Variants in ABTB3 observed in about 807,000 individuals in gnomAD.
ABTB3 encodes the protein ankyrin repeat- and BTB/POZ domain-containing protein 3.
the ABTB3 span, among the ~76,000 whole-genome samples, chr12:107,393,544 T>C: frequency 6.6e-6 from 1 of 152,126 alleles, no homozygotes; most frequent in East Asian, 1.9e-4. Flanking sequence ...GGGGGTGATG[T>C]CACTCTATCT....
At chr12:107,610,270 G>A in the ABTB3 span, 31 of 1,614,130 alleles carry the variant, frequency 1.9e-5, no homozygotes, top group Admixed American at 1.8e-4. Flanking sequence ...CTGGGTTTCC[G>A]GATGCTGAAC....
At chr12:107,350,546 A>G in the ABTB3 span, among the ~76,000 whole-genome samples, 1 of 129,802 alleles carries the variant, frequency 7.7e-6, no homozygotes, top group African/African-American at 2.8e-5. Flanking sequence ...AGTCCGTCTC[A>G]AAAAAAAAAA....
the ABTB3 span, among the ~76,000 whole-genome samples, chr12:107,555,491 C>T: frequency 6.6e-6 from 1 of 152,146 alleles, no homozygotes; most frequent in East Asian, 1.9e-4. Flanking sequence ...ATGTCCAGGT[C>T]TTTTTGGAAT....
the ABTB3 span, among the ~76,000 whole-genome samples, chr12:107,367,369 T>C: frequency 6.6e-6 from 1 of 152,316 alleles, no homozygotes; most frequent in African/African-American, 2.4e-5. Flanking sequence ...GATTTACACT[T>C]TTTCCTCTTT....
chr12:107,574,016 C>T, the ABTB3 span, among the ~76,000 whole-genome samples: 15 of 152,282 alleles, frequency 9.9e-5, no homozygotes, highest in Admixed American at 9.8e-4. Context: ...CAGGATGATA[C>T]TAAATACTGC....
chr12:107,348,912 G>T, the ABTB3 span, among the ~76,000 whole-genome samples: 3 of 152,156 alleles, frequency 2.0e-5, no homozygotes, highest in Admixed American at 2.0e-4. Context: ...AGTGAGGGGG[G>T]GACCCTAGGC....
the ABTB3 span, chr12:107,581,217 G>A: frequency 6.5e-7 from 1 of 1,535,380 alleles, no homozygotes; most frequent in Non-Finnish European, 8.7e-7. Flanking sequence ...GCCGGCCACC[G>A]CCGCAGCTTC....
chr12:107,625,668 C>T, the ABTB3 span, among the ~76,000 whole-genome samples: 7 of 152,040 alleles, frequency 4.6e-5, no homozygotes, highest in African/African-American at 1.7e-4. Flanking sequence ...TCTGACTCTC[C>T]AGTGGCATCC....
the ABTB3 span, among the ~76,000 whole-genome samples, chr12:107,446,106 G>T: frequency 6.6e-6 from 1 of 152,030 alleles, no homozygotes. Flanking sequence ...ATCTTTAGGG[G>T]GCCCTTATTC....
the ABTB3 span, among the ~76,000 whole-genome samples, chr12:107,640,735 A>G: frequency 3.3e-5 from 5 of 152,218 alleles, no homozygotes; most frequent in African/African-American, 4.8e-5. Context: ...CCACTCTCCA[A>G]ATGTCAGGGA....
At chr12:107,616,205 G>T in the ABTB3 span, among the ~76,000 whole-genome samples, 1 of 152,200 alleles carries the variant, frequency 6.6e-6, no homozygotes, top group Non-Finnish European at 1.5e-5. Context: ...AACATGCAAG[G>T]ACATTCCCGA....
At chr12:107,411,284 G>A in the ABTB3 span, among the ~76,000 whole-genome samples, 1 of 152,202 alleles carries the variant, frequency 6.6e-6, no homozygotes, top group Admixed American at 6.5e-5. Context: ...TGGCAACAGA[G>A]CGAGACTCCG....
chr12:107,633,199 G>T, the ABTB3 span, among the ~76,000 whole-genome samples: 2 of 152,102 alleles, frequency 1.3e-5, no homozygotes, highest in East Asian at 3.9e-4. Flanking sequence ...AGGTGAGTAG[G>T]TCTACAAAAG....
chr12:107,612,242 G>A, the ABTB3 span, among the ~76,000 whole-genome samples: 3 of 152,196 alleles, frequency 2.0e-5, no homozygotes, highest in Admixed American at 2.0e-4. Context: ...CCTGAAGGCC[G>A]TTCCTCATTT....
chr12:107,427,950 G>C, the ABTB3 span, among the ~76,000 whole-genome samples: 1 of 152,250 alleles, frequency 6.6e-6, no homozygotes, highest in East Asian at 1.9e-4. Context: ...CAGCATGTTA[G>C]CACCTTTGCA....
At chr12:107,593,846 G>A in the ABTB3 span, among the ~76,000 whole-genome samples, 1 of 152,142 alleles carries the variant, frequency 6.6e-6, no homozygotes, top group Non-Finnish European at 1.5e-5. Context: ...TCTATCTAGT[G>A]GGAAGAGAGA....
chr12:107,606,514 C>T, the ABTB3 span, among the ~76,000 whole-genome samples: 1 of 152,092 alleles, frequency 6.6e-6, no homozygotes, highest in African/African-American at 2.4e-5. Flanking sequence ...AGTGTGGGGC[C>T]CAGCATACCG....
the ABTB3 span, among the ~76,000 whole-genome samples, chr12:107,637,838 T>C: frequency 6.8e-6 from 1 of 147,724 alleles, no homozygotes; most frequent in African/African-American, 2.6e-5. Context: ...GTGTGTGGTA[T>C]GGTGTCCTGT....
the ABTB3 span, among the ~76,000 whole-genome samples, chr12:107,615,356 G>A: frequency 6.6e-6 from 1 of 152,178 alleles, no homozygotes; most frequent in Non-Finnish European, 1.5e-5. Context: ...TAACCAATAT[G>A]AAATGATCAC....
Sources: allele counts gnomAD v4.1 joint callset (sites outside exome capture counted in the v4.1 genomes callset), GRCh38; gene constraint gnomAD v4.1.1; transcripts MANE v1.5; gene names NCBI Gene and HGNC (gene_info 2026-07-23, HGNC 2026-07-21).